PIP4P2: variants seen among roughly 807,000 people sequenced by gnomAD.
PIP4P2 encodes phosphatidylinositol-4,5-bisphosphate 4-phosphatase 2, also known as type 2 phosphatidylinositol 4,5-bisphosphate 4-phosphatase.
Under a neutral mutation model 33.3 loss-of-function variants are expected in PIP4P2, and 19 were observed. The ratio of observed to expected loss-of-function variants is 0.57; its 90% CI spans 0.40 to 0.84. The LOEUF (loss-of-function observed/expected upper bound fraction) is 0.84. Among genes scored for constraint, PIP4P2 ranks in the 40% least tolerant of loss-of-function variants. The pLI is 0.00. For synonymous variants in PIP4P2, 110 were observed against 111.9 expected (o/e 0.98, Z 0.11); for missense variants, 270 against 324.7 (o/e 0.83, Z 1.29).
In PIP4P2 at chr8:91,006,797, C is replaced by A. The variant is rs192770474; in HGVS notation, c.539+1946G>T. On this transcript the variant is annotated intron_variant, in intron 5 of 6. Transcript: ENST00000285419. ...CAGCCTGGCCAAAATGGTGAAACCC[C>A]GCCTCTACTAAAAATACAAAAATTA... Among the ~76,000 whole-genome samples the A allele has an allele frequency of 6.6e-3, 1,007 of 152,144 alleles. 10 individuals are homozygous for A. The highest frequency in any genetic ancestry group is 0.023 in the African/African-American group (935 of 41,506).
rs1393186998 is a variant in PIP4P2, at chr8:91,001,826, T to G, written c.540-5082A>C. Among the ~76,000 whole-genome samples, 3 of 152,150 alleles carry G rather than the reference T, an allele frequency of 2.0e-5. No homozygotes were observed. The East Asian group carries it at 5.8e-4, about 29-fold the overall frequency. On this transcript the variant is annotated intron_variant, in intron 5 of 6. Coordinates refer to ENST00000285419, the MANE Select transcript of PIP4P2 (RefSeq NM_018710.3). ...TTGGCAGATCTCAATATAAAAAAAT[T>G]TTGGCATGCATAGTTTGGGGGTGCT...
intron 5 of PIP4P2, among the ~76,000 whole-genome samples, chr8:90,999,181 A>G (rs1315503768): frequency 2.0e-5 from 3 of 152,142 alleles, no homozygotes; most frequent in African/African-American, 7.2e-5. Flanking sequence ...ATCACTGATC[A>G]TTAGAGAAAT....
At position 91,022,014 on chromosome 8, in the gene PIP4P2, ATAAAG is replaced by A. The variant is rs1812017524; in HGVS notation, c.107-615_107-611del. Reference sequence around the variant, plus strand: ...TGCTAATTTCAGACACAAAACAAAAATAAAGTAAATATAACAATTTTTAGTCTCAA... The same window carrying A: ...TGCTAATTTCAGACACAAAACAAAAATAAATATAACAATTTTTAGTCTCAA... On this transcript the variant is annotated intron_variant, in intron 1 of 6. Coordinates refer to ENST00000285419, the MANE Select transcript of PIP4P2 (RefSeq NM_018710.3). 8.5e-5 allele frequency among the ~76,000 whole-genome samples: 13 copies of A among 152,308 alleles called. No homozygotes were observed. The South Asian group carries it at 2.3e-3, about 27-fold the overall frequency.
intron 3 of PIP4P2, chr8:91,018,730 C>A: frequency 1.8e-6 from 1 of 540,666 alleles, no homozygotes; most frequent in Non-Finnish European, 3.2e-6. Context: ...TATATTATAG[C>A]ATTGGTCCTA....
At chr8:91,028,418 A>G (rs1334400556) in intron 1 of PIP4P2, among the ~76,000 whole-genome samples, 3 of 152,230 alleles carry the variant, frequency 2.0e-5, no homozygotes, top group Admixed American at 1.3e-4. Flanking sequence ...GAGAATACCC[A>G]GATGGTTCAG....
chr8:91,001,143 C>G (rs1216076909), intron 5 of PIP4P2, among the ~76,000 whole-genome samples: 1 of 151,976 alleles, frequency 6.6e-6, no homozygotes, highest in East Asian at 1.9e-4. Flanking sequence ...CATAAAAATA[C>G]CATGTACGTT....
intron 5 of PIP4P2, among the ~76,000 whole-genome samples, chr8:91,003,655 G>C (rs1367308374): frequency 6.6e-6 from 1 of 152,094 alleles, no homozygotes; most frequent in African/African-American, 2.4e-5. Context: ...GCTAGATAGT[G>C]AATAGAGATA....
Position 91,021,284 on chromosome 8 carries a change from A to C in PIP4P2, c.227T>G (p.Val76Gly), listed in dbSNP as rs771567364. Residue 76 changes from valine to glycine, a missense_variant, in exon 2 of 7, where the codon GTT (valine) becomes GGT (glycine). Val to Gly is a moderately radical substitution (Grantham distance 109). Transcript: ENST00000285419. The part of the protein sequence containing the change: ...NLDGKLHQHV[V>G]KCTVCNEATP... ...AGCTTCATTGCAAACTGTGCACTTA[A>C]CCACATGCTGGTGAAGCTTGCCATC... 6.2e-7 allele frequency: 1 copy of C among 1,613,820 alleles called. No homozygotes were observed. The highest frequency in any genetic ancestry group is 8.5e-7 in the Non-Finnish European group (1 of 1,179,800).
chr8:91,034,939 C>T (rs1375981388), intron 1 of PIP4P2, among the ~76,000 whole-genome samples: 4 of 152,140 alleles, frequency 2.6e-5, no homozygotes, highest in African/African-American at 9.7e-5. Context: ...TAAGACCTTA[C>T]CTAACTTTAA....
chr8:91,035,528 T>C (rs969508111), intron 1 of PIP4P2, among the ~76,000 whole-genome samples: 1 of 152,188 alleles, frequency 6.6e-6, no homozygotes, highest in African/African-American at 2.4e-5. Context: ...GATATTATCA[T>C]CTCCTGGTTT....
chr8:90,995,690 T>C lies in PIP4P2; in HGVS notation c.761A>G (p.His254Arg), dbSNP rs781622276. ...TCATAAACAAGCTTATGCAAAACTG[T>C]GTTCTGGATAACTGACTCTTATGGC... ...WGAIRVSYPE[H>R]SFA The change falls in exon 7 of 7, where the codon CAC (histidine) becomes CGC (arginine). Residue 254 changes from histidine (H) to arginine (R), a missense_variant. Transcript: ENST00000285419. 6.2e-7 allele frequency: 1 copy of C among 1,611,640 alleles called. No individual in the cohort carries two copies. Among genetic ancestry groups the C allele is most frequent in the Admixed American group, 1.7e-5 (1 of 59,542 alleles).
intron 5 of PIP4P2, among the ~76,000 whole-genome samples, chr8:91,000,398 AG>A (rs1364069916): frequency 4.3e-5 from 4 of 92,676 alleles, no homozygotes; most frequent in Non-Finnish European, 1.2e-4. Flanking sequence ...ATCATTTAGC[AG>A]TTTTTTTTTT....
Position 91,020,215 on chromosome 8 carries a change from T to C in PIP4P2, c.304A>G (p.Asn102Asp), listed in dbSNP as rs1401078610. ...TGKKYVRCPCNCLLICKDTSR... is the reference protein window; with the variant it reads ...TGKKYVRCPCDCLLICKDTSR... ...GTGTCCTTACAAATGAGAAGACAATTACAAGGGCATCTAACATATTTCTTG... is the reference window on the plus strand; with the variant it reads ...GTGTCCTTACAAATGAGAAGACAATCACAAGGGCATCTAACATATTTCTTG... The change falls in exon 3 of 7, where the codon AAT becomes GAT. Residue 102 changes from asparagine to aspartate, a missense_variant. Coordinates refer to ENST00000285419, the MANE Select transcript of PIP4P2 (RefSeq NM_018710.3). The C allele has an allele frequency of 2.5e-6, 4 of 1,613,828 alleles. No individual in the cohort carries two copies.
rs1160223810 is a variant in PIP4P2 at position 90,994,181 on chromosome 8, C to T, written c.*1496G>A. The T allele has an allele frequency of 6.6e-6, 1 of 151,958 alleles. No homozygotes were observed. Among genetic ancestry groups the T allele is most frequent in the African/African-American group, 2.4e-5 (1 of 41,374 alleles). The allele number at this position is 151,958 out of a possible 1,614,324, so 9.4% of individuals were successfully genotyped here. On this transcript the variant is annotated 3_prime_UTR_variant, in exon 7 of 7. Coordinates refer to ENST00000285419, the MANE Select transcript of PIP4P2 (RefSeq NM_018710.3). ...CATAAATGAATATTATATAAAGAAA[C>T]AGGTACATTCCTAAACATGAAAACT...
intron 5 of PIP4P2, among the ~76,000 whole-genome samples, chr8:91,003,984 T>C (rs1586175218): frequency 6.6e-6 from 1 of 151,614 alleles, no homozygotes; most frequent in African/African-American, 2.4e-5. Context: ...GATAGATAGA[T>C]AGATAGATAG....
intron 6 of PIP4P2, 116 bp downstream of exon 6, chr8:90,996,538 C>A: frequency 2.8e-6 from 2 of 716,078 alleles, no homozygotes; most frequent in South Asian, 2.4e-5. Flanking sequence ...GCTTCTAGTG[C>A]TGGCATGCCA....
chr8:91,021,616 A>G (rs566655758), intron 1 of PIP4P2, among the ~76,000 whole-genome samples: 97 of 152,284 alleles, frequency 6.4e-4, no homozygotes, highest in African/African-American at 2.2e-3. Flanking sequence ...GATAAAATCT[A>G]AATCATGTTT....
intron 2 of PIP4P2, among the ~76,000 whole-genome samples, chr8:91,020,743 A>G (rs192545826): frequency 2.0e-4 from 30 of 152,320 alleles, no homozygotes; most frequent in African/African-American, 7.0e-4. Context: ...TATCAACTAA[A>G]TTGAATAAAA....
intron 4 of PIP4P2, among the ~76,000 whole-genome samples, chr8:91,016,068 T>C (rs1219854318): frequency 6.6e-6 from 1 of 152,204 alleles, no homozygotes; most frequent in African/African-American, 2.4e-5. Context: ...AAATTTTGCT[T>C]CTAAGAAAAG....
Sources: allele counts gnomAD v4.1 joint callset (sites outside exome capture counted in the v4.1 genomes callset), GRCh38; gene constraint gnomAD v4.1.1; transcripts MANE v1.5; gene names NCBI Gene and HGNC (gene_info 2026-07-23, HGNC 2026-07-21).